The following SLC2A9 variants were observed in gnomAD, a reference collection of about 807,000 sequenced individuals.
SLC2A9 encodes the protein solute carrier family 2 member 9, also known as solute carrier family 2, facilitated glucose transporter member 9.
In SLC2A9, 39 loss-of-function variants were observed where a neutral mutation model predicts 50.6. That is an observed-to-expected ratio of 0.77 (90% confidence interval 0.60 to 1.01). The LOEUF (loss-of-function observed/expected upper bound fraction) is 1.01, where lower values mean the gene tolerates loss of function less well. Among genes scored for constraint, SLC2A9 ranks in the 50% least tolerant of loss-of-function variants. The pLI, the probability that SLC2A9 is intolerant of heterozygous loss-of-function variation, is 0.00. For synonymous variants in SLC2A9, 324 were observed against 276.9 expected, an observed-to-expected ratio of 1.17 and a Z score of -1.69; for missense variants, 686 against 677.6, an observed-to-expected ratio of 1.01 and a Z score of -0.14.
At chr4:9,835,674 T>C (rs1368740578) in intron 10 of SLC2A9, among the ~76,000 whole-genome samples, 2 of 152,228 alleles carry the variant, frequency 1.3e-5, no homozygotes, top group Non-Finnish European at 2.9e-5. Flanking sequence ...TGCGGAACCC[T>C]TGTCTGCTGG....
At chr4:9,862,687 CCTGCAGCG>C (rs1259234331) in intron 10 of SLC2A9, among the ~76,000 whole-genome samples, 4 of 152,120 alleles carry the variant, frequency 2.6e-5, no homozygotes, top group Admixed American at 2.6e-4. Flanking sequence ...CCAAGTCCTG[CCTGCAGCG>C]CTAGCTTCTC....
At chr4:9,833,843 T>C (rs1726587728) in intron 11 of SLC2A9, among the ~76,000 whole-genome samples, 1 of 152,178 alleles carries the variant, frequency 6.6e-6, no homozygotes, top group Admixed American at 6.5e-5. Context: ...CTCCAGGTGG[T>C]ACCACCCAGC....
chr4:9,807,694 G>A (rs762195839), intron 3 of SLC2A9, among the ~76,000 whole-genome samples: 21 of 152,166 alleles, frequency 1.4e-4, no homozygotes, highest in Non-Finnish European at 2.6e-4. Context: ...TGAGATACAC[G>A]GGCCAGGTTA....
intron 2 of SLC2A9, among the ~76,000 whole-genome samples, chr4:10,014,938 A>G (rs1322005801): frequency 6.6e-6 from 1 of 152,180 alleles, no homozygotes; most frequent in Non-Finnish European, 1.5e-5. Flanking sequence ...CCCAAACCCC[A>G]TAGGGAGGGG....
chr4:9,824,020 A>G (rs1461806162), downstream of SLC2A9, among the ~76,000 whole-genome samples: 2 of 152,184 alleles, frequency 1.3e-5, no homozygotes, highest in Non-Finnish European at 2.9e-5. Flanking sequence ...TCTAAAAGTC[A>G]TGTTGAAATT....
At chr4:9,859,822 G>A (rs189058620) in intron 10 of SLC2A9, among the ~76,000 whole-genome samples, 16 of 152,296 alleles carry the variant, frequency 1.1e-4, no homozygotes, top group African/African-American at 2.9e-4. Flanking sequence ...GTCAGGGAGC[G>A]CCTGCTCTCT....
chr4:9,800,987 T>C (rs957386769), intron 3 of SLC2A9, among the ~76,000 whole-genome samples: 4 of 152,226 alleles, frequency 2.6e-5, no homozygotes, highest in African/African-American at 9.6e-5. Context: ...GTTCTTCTCA[T>C]GGATGCCACA....
chr4:10,018,061 A>G (rs1033461291), intron 2 of SLC2A9, among the ~76,000 whole-genome samples: 1 of 152,256 alleles, frequency 6.6e-6, no homozygotes, highest in African/African-American at 2.4e-5. Flanking sequence ...AGCCAAAGCC[A>G]GCACCCACAG....
intron 10 of SLC2A9, among the ~76,000 whole-genome samples, chr4:9,887,225 G>C (rs9993652): frequency 0.45 from 68,502 of 152,108 alleles, 17,832 homozygotes; most frequent in African/African-American, 0.72. Context: ...CACCATAGAC[G>C]GTAACTGCTT....
intron 10 of SLC2A9, among the ~76,000 whole-genome samples, chr4:9,851,693 G>A (rs1044456167): frequency 1.3e-5 from 2 of 150,756 alleles, no homozygotes; most frequent in South Asian, 4.2e-4. Context: ...CAATACAGGA[G>A]GTGAAAGACG....
upstream of SLC2A9, among the ~76,000 whole-genome samples, chr4:10,024,125 T>C (rs952463675): frequency 7.2e-5 from 11 of 152,118 alleles, no homozygotes; most frequent in Non-Finnish European, 1.5e-4. Flanking sequence ...CTTAACTCTC[T>C]CGCCACCTCC....
chr4:10,001,041 T>C (rs9991278), intron 2 of SLC2A9, among the ~76,000 whole-genome samples: 120,535 of 152,052 alleles, frequency 0.79, 47,909 homozygotes, highest in East Asian at 0.98. Flanking sequence ...ATTTGAAATG[T>C]GGTCATTGCA....
At chr4:9,985,117 A>C (rs1175025111) in intron 4 of SLC2A9, among the ~76,000 whole-genome samples, 1 of 151,218 alleles carries the variant, frequency 6.6e-6, no homozygotes, top group Admixed American at 6.6e-5. Flanking sequence ...AGCCCTCACC[A>C]CCCTCCTGTC....
intron 4 of SLC2A9, among the ~76,000 whole-genome samples, chr4:9,982,077 C>T (rs1462306610): frequency 6.6e-6 from 1 of 152,164 alleles, no homozygotes; most frequent in Non-Finnish European, 1.5e-5. Flanking sequence ...AGACGGGTTT[C>T]TCCATGTTGG....
chr4:9,879,701 C>G, intron 10 of SLC2A9: 2 of 985,382 alleles, frequency 2.0e-6, no homozygotes, highest in Non-Finnish European at 2.4e-6. Context: ...TCCATTTAAA[C>G]ACAAACTCCC....
chr4:9,934,651 A>T lies in SLC2A9; in HGVS notation c.814+7262T>A, dbSNP rs550801735. 5.3e-4 allele frequency among the ~76,000 whole-genome samples: 81 copies of T among 152,284 alleles called. 2 individuals carry two copies. The Middle Eastern group carries it at 0.027, about 51-fold the overall frequency. On this transcript the variant is annotated intron_variant, in intron 6 of 11. Transcript: ENST00000264784. ...TGGATTTACCATGGGGAATTTTTTA[A>T]TTTTTATTTTACTTTAAGTTCCAGG...
intron 8 of SLC2A9, among the ~76,000 whole-genome samples, chr4:9,900,747 T>C (rs1739447272): frequency 6.6e-6 from 1 of 152,192 alleles, no homozygotes; most frequent in Admixed American, 6.5e-5. Flanking sequence ...ACAATCATGG[T>C]GGAAGGGGAA....
chr4:9,799,843 G>T (rs1181406227), intron 3 of SLC2A9, among the ~76,000 whole-genome samples: 1 of 152,150 alleles, frequency 6.6e-6, no homozygotes, highest in African/African-American at 2.4e-5. Context: ...GAGCCAGATG[G>T]CAGTCAGCAA....
intron 8 of SLC2A9, among the ~76,000 whole-genome samples, chr4:9,901,282 G>C (rs1393217573): frequency 1.3e-5 from 2 of 152,184 alleles, no homozygotes; most frequent in Middle Eastern, 3.4e-3. Context: ...TGGAGGAAGG[G>C]TGTAGTTTCT....
Sources: gnomAD v4.1 joint callset for allele counts (sites outside exome capture counted in the v4.1 genomes callset) on GRCh38, gnomAD v4.1.1 for gene constraint, MANE v1.5 for transcripts, NCBI Gene and HGNC (gene_info 2026-07-23, HGNC 2026-07-21) for gene names.